Variants in KIF3A observed in about 807,000 individuals in gnomAD.
KIF3A encodes the protein kinesin-like protein KIF3A.
In KIF3A, 27 loss-of-function variants were observed where a neutral mutation model predicts 92.6. That is an observed-to-expected ratio of 0.29 (90% CI 0.21 to 0.40). The LOEUF (loss-of-function observed/expected upper bound fraction) is 0.40, where lower values mean the gene tolerates loss of function less well. KIF3A is among the 10% of genes least tolerant of loss of function. KIF3A has a pLI of 1.00. For synonymous variants in KIF3A, 250 were observed against 275.4 expected (o/e 0.91, Z 0.92); for missense variants, 581 against 872.6 (o/e 0.67, Z 4.21).
chr5:132,713,896 T>TG (rs1753521183), intron 8 of KIF3A, among the ~76,000 whole-genome samples: 1 of 132,418 alleles, frequency 7.6e-6, no homozygotes, highest in Non-Finnish European at 1.7e-5. Flanking sequence ...TTTCTTTTTT[T>TG]TTTTTTTTTT....
In KIF3A at chr5:132,708,982, G is replaced by A. The variant is rs1204361060; in HGVS notation, c.1229-4C>T. ...GAACTACTGCTGCTGCTACTGCCTG[G>A]AAAACAAAGAAATGAGCCCAACAGG... On this transcript the variant is annotated splice_polypyrimidine_tract_variant and splice_region_variant and intron_variant, in intron 9 of 18. Coordinates refer to ENST00000403231, the MANE Select transcript of KIF3A (RefSeq NM_001300791.2). 3.2e-6 allele frequency: 5 copies of A among 1,547,396 alleles called. No individual in the cohort carries two copies. The highest frequency in any genetic ancestry group is 4.4e-6 in the Non-Finnish European group (5 of 1,144,472).
At chr5:132,696,752 A>G in intron 18 of KIF3A, 70 bp from the exon 19 acceptor site, 3 of 1,201,200 alleles carry the variant, frequency 2.5e-6, no homozygotes, top group Non-Finnish European at 3.7e-6. Flanking sequence ...ATTTAACATT[A>G]TATAGAAACT....
At chr5:132,732,178 C>T (rs1754254822) in intron 2 of KIF3A, among the ~76,000 whole-genome samples, 1 of 152,132 alleles carries the variant, frequency 6.6e-6, no homozygotes, top group African/African-American at 2.4e-5. Context: ...CAAGTGCTGG[C>T]AAAGATGTGA....
Position 132,700,679 on chromosome 5 carries a change from G to T in KIF3A, c.1906C>A (p.His636Asn). ...CATTCTCCTATGTCTTCATTCCAATGGACATAGTTTTCAATCATTTCCTTT... is the reference window on the plus strand; with the variant it reads ...CATTCTCCTATGTCTTCATTCCAATTGACATAGTTTTCAATCATTTCCTTT... ...DYQEMIENYV[H>N]WNEDIGEWQL... The change falls in exon 16 of 19, where the codon CAT becomes AAT. Residue 636 changes from histidine (H) to asparagine (N), a missense_variant. This residue lies in a region of KIF3A where 112 missense variants were observed against 144.3 expected (regional missense o/e 0.78). Coordinates refer to ENST00000403231, the MANE Select transcript of KIF3A (RefSeq NM_001300791.2). 2 of 1,593,174 alleles carry T rather than the reference G, an allele frequency of 1.3e-6. No homozygotes were observed. The highest frequency in any genetic ancestry group is 1.7e-6 in the Non-Finnish European group (2 of 1,161,396).
chr5:132,689,868 AG>A (rs1752622445), downstream of KIF3A: 1 of 152,128 alleles, frequency 6.6e-6, no homozygotes, highest in African/African-American at 2.4e-5. Context: ...AGTGGGGGAG[AG>A]GAAGACCCCT....
intron 2 of KIF3A, among the ~76,000 whole-genome samples, chr5:132,727,128 CAG>C (rs1193965819): frequency 6.6e-6 from 1 of 152,088 alleles, no homozygotes; most frequent in Admixed American, 6.6e-5. Context: ...CTGTAAGAAA[CAG>C]AGTTAACAAA....
chr5:132,716,405 T>C lies in KIF3A; in HGVS notation c.794A>G (p.Gln265Arg), dbSNP rs758200166. ...GATTTTTGTAGCTTCCTTTAGGCGCTGTCCAGTAGCTCCAGTTTTTGCCTG... is the reference window on the plus strand; with the variant it reads ...GATTTTTGTAGCTTCCTTTAGGCGCCGTCCAGTAGCTCCAGTTTTTGCCTG... ...ERQAKTGATG[Q>R]RLKEATKINL... is the part of the protein sequence containing the mutation. Residue 265 changes from glutamine to arginine, a missense_variant, in exon 7 of 19, where the codon CAG (glutamine) becomes CGG (arginine). Coordinates refer to ENST00000403231, the MANE Select transcript of KIF3A (RefSeq NM_001300791.2). The C allele has an allele frequency of 5.6e-6, 9 of 1,614,042 alleles. No homozygotes were observed. The East Asian group carries it at 2.0e-4, about 36-fold the overall frequency.
intron 2 of KIF3A, among the ~76,000 whole-genome samples, chr5:132,729,984 T>C (rs1441889396): frequency 6.6e-6 from 1 of 152,068 alleles, no homozygotes; most frequent in Non-Finnish European, 1.5e-5. Context: ...GATAAACCTC[T>C]AGTCAGACTA....
intron 10 of KIF3A, 55 bp from the exon 11 acceptor site, chr5:132,706,514 T>G (rs1168140105): frequency 5.5e-6 from 8 of 1,446,700 alleles, no homozygotes; most frequent in Non-Finnish European, 7.4e-6. Context: ...CGCACAGAGA[T>G]GAGGAGGAAA....
chr5:132,700,414 C>A (rs1752992614), intron 16 of KIF3A, 130 bp from the exon 17 acceptor site: 2 of 684,618 alleles, frequency 2.9e-6, no homozygotes, highest in Admixed American at 2.7e-5. Flanking sequence ...GCAGAAAGGG[C>A]CCCAGAGGTC....
chr5:132,711,703 G>A (rs1463939755), intron 8 of KIF3A, among the ~76,000 whole-genome samples: 1 of 151,986 alleles, frequency 6.6e-6, no homozygotes, highest in Admixed American at 6.6e-5. Context: ...TCACTTTTGA[G>A]GAACAATTTC....
At chr5:132,735,037 T>C (rs1452356380) in intron 1 of KIF3A, among the ~76,000 whole-genome samples, 2 of 152,192 alleles carry the variant, frequency 1.3e-5, no homozygotes, top group East Asian at 3.8e-4. Flanking sequence ...TACCTAACCT[T>C]ATAAGCATTT....
In KIF3A at chr5:132,734,348, A is replaced by G; in HGVS notation, c.137T>C (p.Ile46Thr). ...AVSVDEMRGT[I>T]TVHKTDSSNE... ...GGAAGAATCAGTCTTATGTACAGTG[A>G]TAGTTCCCCTCATCTCATCCACACT... The change falls in exon 2 of 19, where the codon ATC becomes ACC. Residue 46 changes from isoleucine to threonine, a missense_variant. Coordinates refer to ENST00000403231, the MANE Select transcript of KIF3A (RefSeq NM_001300791.2). The G allele has an allele frequency of 6.2e-7, 1 of 1,614,160 alleles. No homozygotes were observed. The highest frequency in any genetic ancestry group is 8.5e-7 in the Non-Finnish European group (1 of 1,180,032).
chr5:132,729,782 T>C lies in KIF3A; in HGVS notation c.281-3284A>G, dbSNP rs116356735. On this transcript the variant is annotated intron_variant, in intron 2 of 18. Coordinates refer to ENST00000403231, the MANE Select transcript of KIF3A (RefSeq NM_001300791.2). ...GGCAATTTATAGCATTAAACTCCCATATTAGAAAGGAAAAAAGGTCTCAAA... is the reference window on the plus strand; with the variant it reads ...GGCAATTTATAGCATTAAACTCCCACATTAGAAAGGAAAAAAGGTCTCAAA... Among the ~76,000 whole-genome samples, 693 of 151,864 alleles carry C rather than the reference T, an allele frequency of 4.6e-3. 1 individual carries two copies. Among genetic ancestry groups the C allele is most frequent in the African/African-American group, 0.016 (674 of 41,446 alleles).
At chr5:132,716,551 C>T (rs1301825055) in intron 6 of KIF3A, 109 bp from the exon 7 acceptor site, 4 of 860,046 alleles carry the variant, frequency 4.7e-6, no homozygotes, top group East Asian at 2.6e-5. Context: ...TGATATGATG[C>T]CTGAATTCAC....
chr5:132,733,188 AACAG>A (rs755570731), intron 2 of KIF3A, among the ~76,000 whole-genome samples: 2 of 152,174 alleles, frequency 1.3e-5, no homozygotes, highest in Non-Finnish European at 2.9e-5. Flanking sequence ...ATGTTCTGGA[AACAG>A]ACAGCGGTGA....
At chr5:132,720,340 T>G (rs949491765) in intron 5 of KIF3A, among the ~76,000 whole-genome samples, 21 of 152,162 alleles carry the variant, frequency 1.4e-4, no homozygotes, top group African/African-American at 4.1e-4. Flanking sequence ...CATTACCAAT[T>G]TTACTATTAT....
Position 132,702,530 on chromosome 5 carries a change from TTAGTAGG to T in KIF3A, c.1758+21_1758+27del, listed in dbSNP as rs774434646. The T allele has an allele frequency of 4.6e-6, 6 of 1,313,742 alleles. No homozygotes were observed. The South Asian group carries it at 7.8e-5, about 17-fold the overall frequency. 81.4% of individuals were successfully genotyped at this position (1,313,742 alleles called of 1,614,324 possible). A position where few individuals can be genotyped will look rare whatever the true frequency, so the allele number is the denominator to read the frequency against. ...CCCTTTTAAAAAATCCAGAACTGCATTAGTAGGTAATTTCTAAGAGAACCAACCTCTG... is the reference window on the plus strand; with the variant it reads ...CCCTTTTAAAAAATCCAGAACTGCATTAATTTCTAAGAGAACCAACCTCTG... On this transcript the variant is annotated intron_variant, in intron 14 of 18. Transcript: ENST00000403231.
intron 5 of KIF3A, among the ~76,000 whole-genome samples, chr5:132,718,911 G>A (rs1638274556): frequency 6.6e-6 from 1 of 152,180 alleles, no homozygotes; most frequent in Non-Finnish European, 1.5e-5. Flanking sequence ...TTACAGGCAT[G>A]AGCCACCACA....
Sources: allele counts gnomAD v4.1 joint callset (sites outside exome capture counted in the v4.1 genomes callset), GRCh38; gene constraint gnomAD v4.1.1; regional missense constraint gnomAD v4.1.1; transcripts MANE v1.5; gene names NCBI Gene and HGNC (gene_info 2026-07-23, HGNC 2026-07-21).